The following PRELID2 variants were observed in gnomAD, a reference collection of about 807,000 sequenced individuals.
The protein encoded by PRELID2 is PRELI domain containing 2.
Under a neutral mutation model 28.4 loss-of-function variants are expected in PRELID2, and 25 were observed. The ratio of observed to expected loss-of-function variants is 0.88; its 90% CI spans 0.64 to 1.23. The LOEUF (loss-of-function observed/expected upper bound fraction) is 1.23. Ranked by LOEUF, PRELID2 falls within the 50% of genes most tolerant of loss-of-function variation. The pLI is 0.00. For missense variants in PRELID2, 201 were observed against 214.4 expected (o/e 0.94, Z 0.39); for synonymous variants, 76 against 71.6 (o/e 1.06, Z -0.31).
chr5:145,724,797 G>A (rs1302301999), intron 1 of PRELID2, among the ~76,000 whole-genome samples: 3 of 148,778 alleles, frequency 2.0e-5, no homozygotes, highest in African/African-American at 4.9e-5. Context: ...AGGCTGGAGT[G>A]AAGTGGCATG....
chr5:145,334,965 G>T, the PRELID2 span, among the ~76,000 whole-genome samples: 1 of 151,772 alleles, frequency 6.6e-6, no homozygotes, highest in Non-Finnish European at 1.5e-5. Context: ...TTACGTTCTT[G>T]GGTTGGGGAC....
intron 1 of PRELID2, among the ~76,000 whole-genome samples, chr5:145,657,803 C>T (rs187110503): frequency 6.6e-6 from 1 of 152,320 alleles, no homozygotes; most frequent in East Asian, 1.9e-4. Context: ...AAGGTTACTT[C>T]TCCAAAAGGG....
intron 5 of PRELID2, among the ~76,000 whole-genome samples, chr5:145,787,799 C>T (rs1263341537): frequency 6.6e-6 from 1 of 152,092 alleles, no homozygotes; most frequent in Non-Finnish European, 1.5e-5. Flanking sequence ...CTTCAGCGTC[C>T]CAAAGTGCTG....
At chr5:145,783,489 T>C (rs1475241900) in intron 5 of PRELID2, among the ~76,000 whole-genome samples, 1 of 152,228 alleles carries the variant, frequency 6.6e-6, no homozygotes, top group East Asian at 1.9e-4. Context: ...GCTACTATGA[T>C]ATACCTGGTC....
chr5:145,805,962 A>T (rs1326935331), intron 4 of PRELID2, among the ~76,000 whole-genome samples: 2 of 152,204 alleles, frequency 1.3e-5, no homozygotes, highest in Non-Finnish European at 2.9e-5. Flanking sequence ...ATACAAAATG[A>T]AACACACTTA....
chr5:145,770,126 T>C (rs957008752), intron 5 of PRELID2, among the ~76,000 whole-genome samples: 1 of 152,224 alleles, frequency 6.6e-6, no homozygotes, highest in Non-Finnish European at 1.5e-5. Flanking sequence ...ATAGCACATA[T>C]AATTATAACA....
intron 1 of PRELID2, among the ~76,000 whole-genome samples, chr5:145,518,187 T>C (rs1181837574): frequency 1.3e-5 from 2 of 150,834 alleles, no homozygotes; most frequent in Non-Finnish European, 3.0e-5. Flanking sequence ...AATGATGTCA[T>C]GAGTGCACTC....
At chr5:145,329,378 C>T in the PRELID2 span, among the ~76,000 whole-genome samples, 41,507 of 151,968 alleles carry the variant, frequency 0.27, 5,794 homozygotes, top group South Asian at 0.35. Context: ...GGCAGTATGG[C>T]CATTTTTACA....
chr5:145,336,879 G>A, the PRELID2 span, among the ~76,000 whole-genome samples: 10 of 146,330 alleles, frequency 6.8e-5, no homozygotes, highest in African/African-American at 1.3e-4. Context: ...ACCAAACACC[G>A]CATATTCTCA....
chr5:145,379,583 G>A, the PRELID2 span, among the ~76,000 whole-genome samples: 1 of 152,166 alleles, frequency 6.6e-6, no homozygotes, highest in South Asian at 2.1e-4. Context: ...TGCTGGTGGT[G>A]GCAGAGATGG....
chr5:145,409,629 G>A, the PRELID2 span, among the ~76,000 whole-genome samples: 1 of 151,716 alleles, frequency 6.6e-6, no homozygotes, highest in East Asian at 1.9e-4. Flanking sequence ...AAGACAAAGA[G>A]AGGGCCAGGT....
the PRELID2 span, among the ~76,000 whole-genome samples, chr5:145,237,252 A>G: frequency 1.2e-4 from 19 of 152,182 alleles, no homozygotes; most frequent in Admixed American, 9.2e-4. Flanking sequence ...TAAGTCACCA[A>G]GACAGTGTGG....
chr5:145,262,161 T>C, the PRELID2 span, among the ~76,000 whole-genome samples: 1 of 152,002 alleles, frequency 6.6e-6, no homozygotes, highest in South Asian at 2.1e-4. Flanking sequence ...AAAAAAGAAT[T>C]TTAGAAAATG....
chr5:145,651,499 GCA>G (rs1256902251), intron 1 of PRELID2, among the ~76,000 whole-genome samples: 1 of 152,166 alleles, frequency 6.6e-6, no homozygotes, highest in East Asian at 1.9e-4. Context: ...TAACTGGGAG[GCA>G]CCCCCAGTAG....
intron 1 of PRELID2, among the ~76,000 whole-genome samples, chr5:145,539,114 A>G (rs1319542854): frequency 3.3e-5 from 5 of 152,022 alleles, no homozygotes; most frequent in Non-Finnish European, 7.4e-5. Flanking sequence ...AGCCTTCATC[A>G]GAGAATAAAA....
At chr5:145,465,030 T>C in the PRELID2 span, among the ~76,000 whole-genome samples, 2 of 152,158 alleles carry the variant, frequency 1.3e-5, no homozygotes, top group African/African-American at 4.8e-5. Flanking sequence ...TTGGGAAAGC[T>C]ATTGTAATAA....
At chr5:145,456,802 A>G in the PRELID2 span, among the ~76,000 whole-genome samples, 1 of 152,210 alleles carries the variant, frequency 6.6e-6, no homozygotes, top group Non-Finnish European at 1.5e-5. Context: ...TAAAGTAACA[A>G]TCTTTTACAG....
chr5:145,337,705 A>G, the PRELID2 span, among the ~76,000 whole-genome samples: 13 of 42,980 alleles, frequency 3.0e-4, no homozygotes, highest in African/African-American at 1.3e-3. Flanking sequence ...ATATATATAT[A>G]TATATATATA....
intron 1 of PRELID2, among the ~76,000 whole-genome samples, chr5:145,832,184 TTTTG>T (rs1333978033): frequency 1.6e-4 from 24 of 152,138 alleles, no homozygotes; most frequent in African/African-American, 5.8e-4. Context: ...TTTTGGGTTT[TTTTG>T]TTTGTTTTTG....
Sources: gnomAD v4.1 joint callset for allele counts (sites outside exome capture counted in the v4.1 genomes callset) on GRCh38, gnomAD v4.1.1 for gene constraint, MANE v1.5 for transcripts, NCBI Gene and HGNC (gene_info 2026-07-23, HGNC 2026-07-21) for gene names.